The following TTLL5 variants were observed in gnomAD, a reference collection of about 807,000 sequenced individuals.
The protein encoded by TTLL5 is tubulin tyrosine ligase like 5, also known as tubulin polyglutamylase TTLL5.
In TTLL5, 132 loss-of-function variants were observed where a neutral mutation model predicts 168.4. That is an observed-to-expected ratio of 0.78 (90% CI 0.68 to 0.91). The LOEUF is 0.91. Ranked by LOEUF, TTLL5 falls within the 40% of genes least tolerant of loss-of-function variation. TTLL5 has a pLI of 0.00. For missense variants in TTLL5, 1,545 were observed against 1,581.5 expected, an observed-to-expected ratio of 0.98 and a Z score of 0.39; for synonymous variants, 546 against 558.6, an observed-to-expected ratio of 0.98 and a Z score of 0.32.
chr14:75,777,205 A>C (rs1351333692), intron 23 of TTLL5, among the ~76,000 whole-genome samples: 1 of 152,222 alleles, frequency 6.6e-6, no homozygotes, highest in Non-Finnish European at 1.5e-5. Flanking sequence ...ACTGCTGGGT[A>C]GCAGGGCTGT....
At chr14:75,807,198 A>AGT (rs1893708504) in intron 27 of TTLL5, among the ~76,000 whole-genome samples, 2 of 152,192 alleles carry the variant, frequency 1.3e-5, no homozygotes, top group African/African-American at 4.8e-5. Flanking sequence ...CTATAATCCC[A>AGT]GCACTTTGGG....
chr14:75,690,399 G>A, intron 6 of TTLL5, 77 bp downstream of exon 6: 2 of 1,506,758 alleles, frequency 1.3e-6, no homozygotes, highest in Non-Finnish European at 1.8e-6. Flanking sequence ...CCTCCTCAAG[G>A]TGTCAACCAA....
intron 26 of TTLL5, among the ~76,000 whole-genome samples, chr14:75,784,565 C>T (rs561099735): frequency 3.9e-5 from 6 of 152,192 alleles, no homozygotes; most frequent in Non-Finnish European, 7.4e-5. Flanking sequence ...TGTAAGTTTT[C>T]GTGTGGACAT....
intron 1 of TTLL5, 23 bp from the exon 2 acceptor site, chr14:75,663,031 TC>T (rs1225193562): frequency 1.2e-6 from 1 of 809,744 alleles, no homozygotes; most frequent in African/African-American, 1.7e-5. Context: ...GGTCAATTGA[TC>T]CAATCAAGTT....
chr14:75,845,099 G>T (rs890365999), intron 28 of TTLL5, among the ~76,000 whole-genome samples: 1 of 152,156 alleles, frequency 6.6e-6, no homozygotes, highest in Non-Finnish European at 1.5e-5. Flanking sequence ...TACATGGAAG[G>T]CTTCCTTGAT....
chr14:75,937,238 T>A, intron 31 of TTLL5, among the ~76,000 whole-genome samples: 1 of 151,498 alleles, frequency 6.6e-6, no homozygotes, highest in East Asian at 1.9e-4. Flanking sequence ...TGCCTCAGCC[T>A]CCCTAGTAGC....
chr14:75,776,084 T>C (rs1891710724), intron 22 of TTLL5, among the ~76,000 whole-genome samples: 1 of 152,228 alleles, frequency 6.6e-6, no homozygotes, highest in Admixed American at 6.5e-5. Flanking sequence ...AAATATACTA[T>C]TTAATTAGAA....
chr14:75,925,064 A>C, intron 31 of TTLL5, among the ~76,000 whole-genome samples: 1 of 134,042 alleles, frequency 7.5e-6, no homozygotes, highest in Admixed American at 7.3e-5. Context: ...CACCTCCAGG[A>C]TGGGGCGGCT....
chr14:75,954,301 C>A, intron 31 of TTLL5, 123 bp from the exon 32 acceptor site: 3 of 838,642 alleles, frequency 3.6e-6, no homozygotes, highest in Non-Finnish European at 5.7e-6. Context: ...AGGTGAACTT[C>A]ATTTATTTGG....
At chr14:75,874,551 G>A (rs972179444) in intron 29 of TTLL5, among the ~76,000 whole-genome samples, 1 of 152,260 alleles carries the variant, frequency 6.6e-6, no homozygotes, top group African/African-American at 2.4e-5. Context: ...AGTAATCAAA[G>A]GAATGATAAG....
At chr14:75,880,941 T>C (rs1226931549) in intron 29 of TTLL5, among the ~76,000 whole-genome samples, 1 of 152,124 alleles carries the variant, frequency 6.6e-6, no homozygotes, top group African/African-American at 2.4e-5. Flanking sequence ...TGAGACAGGG[T>C]CTAGCTCTGT....
In TTLL5 at chr14:75,747,146, G is replaced by A. The variant is rs550384347; in HGVS notation, c.1487+1565G>A. Among the ~76,000 whole-genome samples the A allele has an allele frequency of 3.4e-4, 52 of 151,758 alleles. 1 individual carries two copies. In the South Asian group the frequency reaches 0.01, roughly 30 times the overall value. ...TTTTTTCTTGCTTTCCTTAATTTGG[G>A]ATGGTTTTGTATTTCTGTGTGTCTC... On this transcript the variant is annotated intron_variant, in intron 17 of 31. Transcript: ENST00000298832.
At chr14:75,872,855 G>T (rs1301019488) in intron 29 of TTLL5, among the ~76,000 whole-genome samples, 1 of 148,974 alleles carries the variant, frequency 6.7e-6, no homozygotes. Context: ...AGGTTGCAGT[G>T]AGCCAAGATC....
intron 31 of TTLL5, among the ~76,000 whole-genome samples, chr14:75,919,693 T>C (rs1389843793): frequency 1.3e-5 from 2 of 152,168 alleles, no homozygotes; most frequent in African/African-American, 4.8e-5. Context: ...TACATAGGAA[T>C]AAATCTTCAT....
chr14:75,701,628 T>C (rs897855361), intron 7 of TTLL5, among the ~76,000 whole-genome samples: 3 of 152,210 alleles, frequency 2.0e-5, no homozygotes, highest in Admixed American at 6.5e-5. Flanking sequence ...ACCTTTCTTT[T>C]CCTTTTTGTG....
chr14:75,914,033 A>AAAAAAAAAAAAAAAATATATATAT, intron 31 of TTLL5, among the ~76,000 whole-genome samples: 14 of 71,062 alleles, frequency 2.0e-4, no homozygotes, highest in Non-Finnish European at 2.3e-4. Flanking sequence ...AAAAAAAAAA[A>AAAAAAAAAAAAAAAATATATATAT]ATATATATAT....
chr14:75,863,926 A>AAAG, intron 29 of TTLL5, 64 bp downstream of exon 29: 98 of 1,257,664 alleles, frequency 7.8e-5, no homozygotes, highest in East Asian at 6.9e-4. Context: ...AAAAAAAAAA[A>AAAG]AAAAAAAAGG....
chr14:75,930,746 C>G, intron 31 of TTLL5: 1 of 604,760 alleles, frequency 1.7e-6, no homozygotes, highest in Non-Finnish European at 2.1e-6. Context: ...AATATTGAGG[C>G]TAAGATTAAG....
chr14:75,747,076 A>T (rs552411149), intron 17 of TTLL5, among the ~76,000 whole-genome samples: 1 of 151,754 alleles, frequency 6.6e-6, no homozygotes, highest in South Asian at 2.1e-4. Flanking sequence ...AACTTAGTTT[A>T]TATTTTACCA....
Sources: allele counts gnomAD v4.1 joint callset (sites outside exome capture counted in the v4.1 genomes callset), GRCh38; gene constraint gnomAD v4.1.1; transcripts MANE v1.5; gene names NCBI Gene and HGNC (gene_info 2026-07-23, HGNC 2026-07-21).